Variants in LRP12 observed in about 807,000 individuals in gnomAD.
LRP12 encodes the protein low-density lipoprotein receptor-related protein 12.
LRP12 carries 14 observed loss-of-function variants against 66.0 expected under a neutral mutation model. The observed-to-expected ratio is 0.21, with a 90% CI of 0.14 to 0.33. The LOEUF is 0.33. LRP12 is among the 10% of genes least tolerant of loss of function. The pLI is 1.00. For synonymous variants in LRP12, 357 were observed against 359.1 expected (o/e 0.99, Z 0.07); for missense variants, 889 against 1,053.4 (o/e 0.84, Z 2.16).
In LRP12 at chr8:104,564,910, G is replaced by A. The variant is rs569431086; in HGVS notation, c.79+23909C>T. Among the ~76,000 whole-genome samples, 11 of 150,860 alleles carry A rather than the reference G, an allele frequency of 7.3e-5. No homozygotes were observed. In the South Asian group the frequency reaches 2.3e-3, roughly 32 times the overall value. ...ATCGCACCACTGCACTCCAGCCTGG[G>A]TAACAGAGTGAGACTCTGTCAAAGA... On this transcript the variant is annotated intron_variant, in intron 1 of 6. Transcript: ENST00000276654.
chr8:104,501,284 C>T (rs1056071654), intron 3 of LRP12, among the ~76,000 whole-genome samples: 1 of 151,990 alleles, frequency 6.6e-6, no homozygotes, highest in African/African-American at 2.4e-5. Context: ...GTTTTATGTA[C>T]ACTTCCCTGA....
intron 2 of LRP12, among the ~76,000 whole-genome samples, chr8:104,529,576 T>A (rs1811294768): frequency 6.6e-6 from 1 of 152,194 alleles, no homozygotes; most frequent in African/African-American, 2.4e-5. Flanking sequence ...ATAAGTATAA[T>A]CTAAAATTCA....
intron 1 of LRP12, chr8:104,566,105 C>T: frequency 3.5e-6 from 1 of 289,482 alleles, no homozygotes; most frequent in Non-Finnish European, 6.3e-6. Flanking sequence ...GTGCTGAAGA[C>T]CACTGGCCTT....
At chr8:104,501,379 T>G (rs1349075824) in intron 3 of LRP12, among the ~76,000 whole-genome samples, 1 of 151,608 alleles carries the variant, frequency 6.6e-6, no homozygotes, top group East Asian at 1.9e-4. Flanking sequence ...CTTTTGCCCA[T>G]TAAAAAAAAA....
chr8:104,543,014 A>ATATATATATATATATATATATATAT (rs1811502222), intron 1 of LRP12, among the ~76,000 whole-genome samples: 1 of 142,594 alleles, frequency 7.0e-6, no homozygotes, highest in African/African-American at 2.8e-5. Context: ...TATATATATA[A>ATATATATATATATATATATATATAT]ATATATATAC....
intron 1 of LRP12, 119 bp from the exon 2 acceptor site, chr8:104,532,082 G>T (rs544435224): frequency 1.3e-4 from 77 of 579,440 alleles, no homozygotes; most frequent in Admixed American, 3.5e-4. Flanking sequence ...AGAAGCTAAA[G>T]TTTCTTATAA....
At chr8:104,569,319 A>G (rs1812046227) in intron 1 of LRP12, among the ~76,000 whole-genome samples, 1 of 152,174 alleles carries the variant, frequency 6.6e-6, no homozygotes, top group Admixed American at 6.5e-5. Flanking sequence ...TTTTGGGCCA[A>G]TGCAAATATT....
At chr8:104,527,485 TG>T (rs1487421180) in intron 2 of LRP12, among the ~76,000 whole-genome samples, 1 of 150,836 alleles carries the variant, frequency 6.6e-6, no homozygotes, top group Non-Finnish European at 1.5e-5. Context: ...ATATACACCA[TG>T]GAATACTATG....
chr8:104,515,179 T>C (rs1041932219), intron 2 of LRP12, among the ~76,000 whole-genome samples: 2 of 152,222 alleles, frequency 1.3e-5, no homozygotes, highest in South Asian at 2.1e-4. Flanking sequence ...TTTCTATATT[T>C]TGACTATCCT....
intron 1 of LRP12, among the ~76,000 whole-genome samples, chr8:104,578,003 G>A (rs1812192262): frequency 6.6e-6 from 1 of 151,556 alleles, no homozygotes; most frequent in South Asian, 2.1e-4. Flanking sequence ...AGAGAACCAA[G>A]AGCAAACAAA....
chr8:104,490,839 C>A lies in LRP12; in HGVS notation c.2414G>T (p.Gly805Val), dbSNP rs747111953. ...TGTTGCATTATATGGTTGTCTAAGC[C>A]CTTGTCCTTGATCTGAGGCAAGATC... ...LLDLASDQGQ[G>V]LRQPYNATNP... The change falls in exon 7 of 7, where the codon GGG becomes GTG. Residue 805 changes from glycine (G) to valine (V), a missense_variant. Physicochemically the swap from Gly to Val is moderately radical, Grantham distance 109. This residue lies in a region of LRP12 where 800 missense variants were observed against 964.5 expected (regional missense o/e 0.83). Coordinates refer to ENST00000276654, the MANE Select transcript of LRP12 (RefSeq NM_013437.5). 6.2e-7 allele frequency: 1 copy of A among 1,614,044 alleles called. No homozygotes were observed. Among genetic ancestry groups the A allele is most frequent in the South Asian group, 1.1e-5 (1 of 91,070 alleles).
intron 2 of LRP12, among the ~76,000 whole-genome samples, chr8:104,529,236 A>G (rs1431801119): frequency 6.6e-6 from 1 of 152,210 alleles, no homozygotes; most frequent in African/African-American, 2.4e-5. Flanking sequence ...ATGTGAAGAC[A>G]GTAAGAAGAC....
At chr8:104,562,205 A>C (rs954826346) in intron 1 of LRP12, among the ~76,000 whole-genome samples, 5 of 152,192 alleles carry the variant, frequency 3.3e-5, no homozygotes, top group Admixed American at 3.3e-4. Flanking sequence ...GTAAAGATTA[A>C]ATGAGTTCAT....
At chr8:104,509,792 T>C (rs1442065755) in intron 2 of LRP12, among the ~76,000 whole-genome samples, 1 of 152,320 alleles carries the variant, frequency 6.6e-6, no homozygotes, top group East Asian at 1.9e-4. Context: ...AAGAAATTCA[T>C]GCTAGTTTTG....
At chr8:104,505,743 C>T (rs1158908549) in intron 3 of LRP12, 1 of 152,054 alleles carries the variant, frequency 6.6e-6, no homozygotes, top group East Asian at 1.9e-4. Flanking sequence ...TCCTTTTCCT[C>T]TGTTAACTGC....
chr8:104,532,363 T>C (rs1328295141), intron 1 of LRP12, among the ~76,000 whole-genome samples: 1 of 150,472 alleles, frequency 6.6e-6, no homozygotes, highest in Non-Finnish European at 1.5e-5. Context: ...GGGCCACATA[T>C]GTTGGTACTT....
intron 1 of LRP12, among the ~76,000 whole-genome samples, chr8:104,561,849 A>G (rs1035432469): frequency 2.6e-5 from 4 of 152,144 alleles, no homozygotes; most frequent in Admixed American, 2.0e-4. Context: ...TTCTGATACA[A>G]GAGAACATCC....
intron 1 of LRP12, among the ~76,000 whole-genome samples, chr8:104,538,291 A>G (rs1199790091): frequency 2.0e-5 from 3 of 152,156 alleles, no homozygotes; most frequent in Non-Finnish European, 4.4e-5. Flanking sequence ...GGATCTACAT[A>G]GTATAGGCTC....
intron 2 of LRP12, among the ~76,000 whole-genome samples, chr8:104,516,692 T>G (rs1307878241): frequency 1.3e-5 from 2 of 152,104 alleles, no homozygotes; most frequent in Non-Finnish European, 2.9e-5. Flanking sequence ...ATCATACTTA[T>G]TATATTTAAA....
Sources: allele counts gnomAD v4.1 joint callset (sites outside exome capture counted in the v4.1 genomes callset), GRCh38; gene constraint gnomAD v4.1.1; regional missense constraint gnomAD v4.1.1; transcripts MANE v1.5; gene names NCBI Gene and HGNC (gene_info 2026-07-23, HGNC 2026-07-21).